BTBD16: variants seen among roughly 807,000 people sequenced by gnomAD.
BTBD16 encodes the protein BTB domain containing 16.
BTBD16 carries 66 observed loss-of-function variants against 67.4 expected under a neutral mutation model. The observed-to-expected ratio is 0.98, with a 90% CI of 0.80 to 1.20. BTBD16 has a LOEUF of 1.20. Ranked by LOEUF, BTBD16 falls within the 50% of genes most tolerant of loss-of-function variation. The pLI, the probability that BTBD16 is intolerant of heterozygous loss-of-function variation, is 0.00. For missense variants in BTBD16, 634 were observed against 616.0 expected (o/e 1.03, Z -0.31); for synonymous variants, 242 against 236.4 (o/e 1.02, Z -0.22).
chr10:122,331,050 AG>A, intron 11 of BTBD16, 125 bp from the exon 12 acceptor site: 1 of 1,288,634 alleles, frequency 7.8e-7, no homozygotes, highest in Non-Finnish European at 1.0e-6. Flanking sequence ...CAAACCTTAA[AG>A]GAGACCATCC....
intron 10 of BTBD16, among the ~76,000 whole-genome samples, chr10:122,316,859 G>T (rs1400531354): frequency 6.6e-6 from 1 of 152,012 alleles, no homozygotes; most frequent in Admixed American, 6.5e-5. Context: ...CGCAATCTCG[G>T]TTCACCGCAT....
intron 10 of BTBD16, among the ~76,000 whole-genome samples, chr10:122,308,933 G>A (rs1444837527): frequency 6.6e-6 from 1 of 152,150 alleles, no homozygotes; most frequent in Non-Finnish European, 1.5e-5. Context: ...TGCCTGCTCT[G>A]CCTCCTCTCT....
chr10:122,323,773 G>A (rs1314394577), intron 10 of BTBD16, among the ~76,000 whole-genome samples: 1 of 152,080 alleles, frequency 6.6e-6, no homozygotes, highest in Non-Finnish European at 1.5e-5. Flanking sequence ...CTTTCATTTT[G>A]CAGTTGAATA....
At chr10:122,282,552 A>G (rs1156318983) in intron 3 of BTBD16, among the ~76,000 whole-genome samples, 2 of 152,178 alleles carry the variant, frequency 1.3e-5, no homozygotes, top group Non-Finnish European at 2.9e-5. Context: ...TGTGGTCACA[A>G]ATGTCTCTTG....
intron 13 of BTBD16, chr10:122,332,768 G>A (rs2133323918): frequency 2.1e-6 from 2 of 944,198 alleles, no homozygotes; most frequent in Non-Finnish European, 2.5e-6. Flanking sequence ...TGGAATGGAG[G>A]AGTTGCCCTG....
Position 122,336,615 on chromosome 10 carries a change from G to A in BTBD16, c.1385G>A (p.Trp462Ter). 6.2e-7 allele frequency: 1 copy of A among 1,612,874 alleles called. No individual in the cohort carries two copies. Among genetic ancestry groups the A allele is most frequent in the Non-Finnish European group, 8.5e-7 (1 of 1,179,716 alleles). The stretch of plus-strand genomic sequence containing the variant: ...GCAGAGGCCCTGGTTGACGGCAAGT[G>A]GCAGGAGTTCAGGACAAACCAGATC... ...IRAEALVDGK[W>*]QEFRTNQIKQ... The change falls in exon 15 of 16, where the codon TGG (tryptophan) becomes TAG (stop). Residue 462 changes from tryptophan (W) to a stop codon, truncating the protein, a stop_gained. Transcript: ENST00000260723. LOFTEE classifies it high-confidence loss of function.
At chr10:122,293,971 T>G (rs1274000634) in intron 7 of BTBD16, 1 of 214,672 alleles carries the variant, frequency 4.7e-6, no homozygotes, top group African/African-American at 2.4e-5. Context: ...CATCCTCCTT[T>G]CCCCTCCCCC....
intron 7 of BTBD16, among the ~76,000 whole-genome samples, chr10:122,296,362 C>A (rs2096383177): frequency 6.6e-6 from 1 of 151,986 alleles, no homozygotes; most frequent in Non-Finnish European, 1.5e-5. Flanking sequence ...GTAACAAGAC[C>A]CCATCTGCCT....
chr10:122,276,676 T>G (rs1173127888), intron 2 of BTBD16, 115 bp from the exon 3 acceptor site: 1 of 1,391,484 alleles, frequency 7.2e-7, no homozygotes, highest in Middle Eastern at 1.9e-4. Flanking sequence ...GTTCAAAAAT[T>G]AACCAGCACT....
At position 122,320,957 on chromosome 10, in the gene BTBD16, G is replaced by A. The variant is rs1161267382; in HGVS notation, c.912-8523G>A. ...GCGGTACAATGGACCCTGTCACCCA[G>A]GTACTGAGCATAGTACTCAATAGGT... On this transcript the variant is annotated intron_variant, in intron 10 of 15. Coordinates refer to ENST00000260723, the MANE Select transcript of BTBD16 (RefSeq NM_144587.5). Among the ~76,000 whole-genome samples the A allele has an allele frequency of 2.6e-5, 4 of 152,054 alleles. No individual in the cohort carries two copies. In the East Asian group the frequency reaches 5.8e-4, roughly 22 times the overall value.
chr10:122,277,788 C>G (rs569201075), intron 3 of BTBD16, among the ~76,000 whole-genome samples: 1 of 152,020 alleles, frequency 6.6e-6, no homozygotes, highest in South Asian at 2.1e-4. Flanking sequence ...CCCATTAGGC[C>G]CCACCTCCAA....
chr10:122,337,557 C>A (rs565346815), intron 15 of BTBD16, among the ~76,000 whole-genome samples: 1 of 152,144 alleles, frequency 6.6e-6, no homozygotes, highest in African/African-American at 2.4e-5. Context: ...CTCCACCTCC[C>A]GGGTTCACGC....
At chr10:122,279,064 G>A (rs1053516722) in intron 3 of BTBD16, among the ~76,000 whole-genome samples, 13 of 152,216 alleles carry the variant, frequency 8.5e-5, no homozygotes, top group African/African-American at 2.9e-4. Flanking sequence ...AACACACTCC[G>A]TCTCCTTATG....
chr10:122,296,257 T>C (rs2096382927), intron 7 of BTBD16, among the ~76,000 whole-genome samples: 1 of 152,136 alleles, frequency 6.6e-6, no homozygotes, highest in Non-Finnish European at 1.5e-5. Context: ...AATGCAATAA[T>C]AAATCTTATA....
At position 122,306,682 on chromosome 10, in the gene BTBD16, A is replaced by C. The variant is rs1252242621; in HGVS notation, c.792-507A>C. ...TTGGTGCGAAATTTAAGGGAGCATG[A>C]AAAAACTTAGTCATCGAGATGCAGT... On this transcript the variant is annotated intron_variant, in intron 9 of 15. Coordinates refer to ENST00000260723, the MANE Select transcript of BTBD16 (RefSeq NM_144587.5). Among the ~76,000 whole-genome samples, 5 of 152,220 alleles carry C rather than the reference A, an allele frequency of 3.3e-5. No homozygotes were observed. The East Asian group carries it at 9.6e-4, about 29-fold the overall frequency.
chr10:122,289,981 C>G lies in BTBD16; in HGVS notation c.458C>G (p.Pro153Arg). 1 of 1,612,176 alleles carries G rather than the reference C, an allele frequency of 6.2e-7. No homozygotes were observed. Among genetic ancestry groups the G allele is most frequent in the Non-Finnish European group, 8.5e-7 (1 of 1,178,514 alleles). Residue 153 changes from proline (P) to arginine (R), a missense_variant, in exon 6 of 16, where the codon CCA (proline) becomes CGA (arginine). Physicochemically the swap from Pro to Arg is moderately radical, Grantham distance 103. Transcript: ENST00000260723. ...RIIISLKIND[P>R]LVTKVAFATA... Reference sequence around the variant, plus strand: ...ATCATTTCCTTGAAGATCAATGACCCACTGGTCACTAAAGTCGGTATGTAT... The same window carrying G: ...ATCATTTCCTTGAAGATCAATGACCGACTGGTCACTAAAGTCGGTATGTAT...
intron 3 of BTBD16, among the ~76,000 whole-genome samples, chr10:122,281,981 T>C (rs1179501198): frequency 6.6e-6 from 1 of 152,202 alleles, no homozygotes; most frequent in Non-Finnish European, 1.5e-5. Flanking sequence ...AACTCACAGA[T>C]GCCATGTGTT....
In BTBD16 at chr10:122,286,156, T is replaced by A. The variant is rs752731108; in HGVS notation, c.293T>A (p.Leu98His). ...AAATGGGAGCTCCATCAGCCCCAGC[T>A]TTTTCAGTCTGAGACCTTGGCCAAG... ...GFKWELHQPQLFQSETLAKLY... is the reference protein window; with the variant it reads ...GFKWELHQPQHFQSETLAKLY... The change falls in exon 5 of 16, where the codon CTT becomes CAT. Residue 98 changes from leucine (L) to histidine (H), a missense_variant. Transcript: ENST00000260723. 5.0e-6 allele frequency: 8 copies of A among 1,613,938 alleles called. No homozygotes were observed. The highest frequency in any genetic ancestry group is 6.8e-6 in the Non-Finnish European group (8 of 1,179,838).
At chr10:122,301,885 C>T (rs1218001556) in intron 9 of BTBD16, among the ~76,000 whole-genome samples, 5 of 152,166 alleles carry the variant, frequency 3.3e-5, no homozygotes, top group African/African-American at 4.8e-5. Flanking sequence ...CCAAAGTCCA[C>T]GTCTTGCCCT....
Sources: allele counts gnomAD v4.1 joint callset (sites outside exome capture counted in the v4.1 genomes callset), GRCh38; gene constraint gnomAD v4.1.1; transcripts MANE v1.5; gene names NCBI Gene and HGNC (gene_info 2026-07-23, HGNC 2026-07-21).